Variants in CSMD2 observed in about 807,000 individuals in gnomAD.
The protein encoded by CSMD2 is CUB and Sushi multiple domains 2.
Under a neutral mutation model 398.5 loss-of-function variants are expected in CSMD2, and 130 were observed. The observed-to-expected ratio is 0.33, with a 90% CI of 0.28 to 0.38. The LOEUF (loss-of-function observed/expected upper bound fraction) is 0.38. Among genes scored for constraint, CSMD2 ranks in the 10% least tolerant of loss-of-function variants. CSMD2 has a pLI of 1.00. For synonymous variants in CSMD2, 1,828 were observed against 1,908.5 expected, an observed-to-expected ratio of 0.96 and a Z score of 1.10; for missense variants, 3,829 against 4,764.9, an observed-to-expected ratio of 0.80 and a Z score of 5.78.
Position 33,542,867 on chromosome 1 carries a change from T to G in CSMD2, c.9130A>C (p.Ser3044Arg), listed in dbSNP as rs758658420. Residue 3044 changes from serine to arginine, a missense_variant, in exon 58 of 71, where the codon AGT (serine) becomes CGT (arginine). This residue lies in a region of CSMD2 where 917 missense variants were observed against 1,199.5 expected (regional missense o/e 0.76). Transcript: ENST00000373381. ...TCACTGAACACAACTCGGGCATTAC[T>G]TGGAGTCCCAGGGTTCCCACAAGAG... Reference protein sequence around the residue: ...VISCGNPGTPSNARVVFSDGL... With the variant: ...VISCGNPGTPRNARVVFSDGL... 6.2e-7 allele frequency: 1 copy of G among 1,614,196 alleles called. No homozygotes were observed. The highest frequency in any genetic ancestry group is 8.5e-7 in the Non-Finnish European group (1 of 1,180,012).
chr1:34,028,079 G>A (rs186710961), intron 3 of CSMD2, among the ~76,000 whole-genome samples: 51 of 152,294 alleles, frequency 3.3e-4, no homozygotes, highest in African/African-American at 1.2e-3. Context: ...AGCACTTTGG[G>A]AGGTCGAGGC....
At chr1:34,004,471 G>A (rs1381285624) in intron 3 of CSMD2, among the ~76,000 whole-genome samples, 1 of 151,820 alleles carries the variant, frequency 6.6e-6, no homozygotes, top group Non-Finnish European at 1.5e-5. Context: ...TTTTTTGTTT[G>A]TTTGTTTTTG....
rs1185588929 is a variant in CSMD2 at position 33,569,500 on chromosome 1, C to T, written c.8005G>A (p.Gly2669Arg). The T allele has an allele frequency of 4.3e-6, 7 of 1,614,024 alleles. No individual in the cohort carries two copies. The highest frequency in any genetic ancestry group is 1.7e-5 in the Admixed American group (1 of 60,008). ...GTTGCCCCGTAGACAGACAGTGTTC[C>T]GATGCGGTGGCCATTGGGGGGAATC... ...LPIPPNGHRI[G>R]TLSVYGATAI... The change falls in exon 52 of 71, where the codon GGA becomes AGA. Residue 2669 changes from glycine to arginine, a missense_variant. Gly to Arg is a moderately radical substitution (Grantham distance 125). Transcript: ENST00000373381.
chr1:33,971,130 C>CGCTA (rs1345245379), intron 3 of CSMD2, among the ~76,000 whole-genome samples: 1 of 152,212 alleles, frequency 6.6e-6, no homozygotes, highest in Non-Finnish European at 1.5e-5. Flanking sequence ...TGGGAAGTCA[C>CGCTA]TAGCAGTTAA....
chr1:34,060,055 A>G (rs76182599), intron 2 of CSMD2, among the ~76,000 whole-genome samples: 2,013 of 152,336 alleles, frequency 0.013, 45 homozygotes, highest in African/African-American at 0.046. Flanking sequence ...AGAGAGGGAA[A>G]GAAGAATGCC....
At chr1:33,823,838 T>C (rs1293458082) in intron 7 of CSMD2, among the ~76,000 whole-genome samples, 1 of 152,238 alleles carries the variant, frequency 6.6e-6, no homozygotes, top group Non-Finnish European at 1.5e-5. Context: ...GCATTTGCAT[T>C]CTTTCATTAG....
intron 5 of CSMD2, among the ~76,000 whole-genome samples, chr1:33,899,047 T>C (rs1265255656): frequency 6.6e-6 from 1 of 151,996 alleles, no homozygotes; most frequent in Non-Finnish European, 1.5e-5. Flanking sequence ...ATGAAAAGGG[T>C]TATCTGGACA....
Position 33,870,709 on chromosome 1 carries a change from A to G in CSMD2, c.921-23713T>C, listed in dbSNP as rs1010213785. ...ATTCACCGTGGTAGGCAGTTTCTGA[A>G]ATGGCTCCCAGTGATCTCCAACTCC... On this transcript the variant is annotated intron_variant, in intron 5 of 70. Coordinates refer to ENST00000373381, the MANE Select transcript of CSMD2 (RefSeq NM_001281956.2). The G allele has an allele frequency of 4.6e-5, 7 of 152,238 alleles. No homozygotes were observed. In the East Asian group the frequency reaches 1.4e-3, roughly 29 times the overall value. The allele number at this position is 152,238 out of a possible 1,614,324, so 9.4% of individuals were successfully genotyped here. A position where few individuals can be genotyped will look rare whatever the true frequency, so the allele number is the denominator to read the frequency against.
At position 33,825,708 on chromosome 1, in the gene CSMD2, T is replaced by G; in HGVS notation, c.1100A>C (p.Lys367Thr). 6.2e-7 allele frequency: 1 copy of G among 1,612,350 alleles called. No homozygotes were observed. The highest frequency in any genetic ancestry group is 8.5e-7 in the Non-Finnish European group (1 of 1,179,326). Residue 367 changes from lysine (K) to threonine (T), a missense_variant, in exon 7 of 71, where the codon AAG (lysine) becomes ACG (threonine). Lys to Thr is a moderately conservative substitution (Grantham distance 78). Coordinates refer to ENST00000373381, the MANE Select transcript of CSMD2 (RefSeq NM_001281956.2). ...KLMPSKDNSQ[K>T]TSVLTQVGVS... ...GGGCGGACACTTACACACAGACGTCTTCTGGCTGTTGTCTTTGCTGGGCAT... is the reference window on the plus strand; with the variant it reads ...GGGCGGACACTTACACACAGACGTCGTCTGGCTGTTGTCTTTGCTGGGCAT...
chr1:33,540,845 A>G, intron 59 of CSMD2, 147 bp from the exon 60 acceptor site: 3 of 902,708 alleles, frequency 3.3e-6, no homozygotes, highest in South Asian at 3.4e-5. Flanking sequence ...TTACTGTGGG[A>G]GTTCTGATCT....
intron 28 of CSMD2, among the ~76,000 whole-genome samples, chr1:33,649,034 AT>A (rs1336827191): frequency 2.0e-5 from 3 of 152,174 alleles, no homozygotes; most frequent in East Asian, 1.9e-4. Context: ...TAAAGTTTAT[AT>A]TTTTTATTTT....
intron 2 of CSMD2, among the ~76,000 whole-genome samples, chr1:34,041,241 C>T (rs1157097177): frequency 6.6e-6 from 1 of 152,132 alleles, no homozygotes; most frequent in South Asian, 2.1e-4. Context: ...ACTCCCCCAC[C>T]AGAATTTGGC....
chr1:33,586,537 G>A lies in CSMD2; in HGVS notation c.7018C>T (p.Leu2340=), dbSNP rs371199413. Residue 2340 remains leucine, a synonymous_variant, in exon 46 of 71, where the codon CTG becomes TTG. Transcript: ENST00000373381. ...EILTCKLGTY[L]QFEGPPPICE... is the part of the protein sequence containing the mutation. ...ATCGGGGGTGGTCCTTCAAACTGCA[G>A]GTAGGTTCCAAGTTTGCAGGTCAGA... The A allele has an allele frequency of 4.1e-5, 66 of 1,613,552 alleles. No homozygotes were observed. Among genetic ancestry groups the A allele is most frequent in the Middle Eastern group, 1.6e-4 (1 of 6,082 alleles).
rs1642746136 is a variant in CSMD2 at position 33,635,545 on chromosome 1, C to T, written c.4970-215G>A. Among the ~76,000 whole-genome samples the T allele has an allele frequency of 6.6e-6, 1 of 152,210 alleles. No homozygotes were observed. The highest frequency in any genetic ancestry group is 1.5e-5 in the Non-Finnish European group (1 of 68,016). ...TAGCCTGAAACTTGCCCTGAAGCTA[C>T]CGAGGGCCCTCTTGGGCAGGTGTCA... On this transcript the variant is annotated intron_variant, in intron 30 of 70. Coordinates refer to ENST00000373381, the MANE Select transcript of CSMD2 (RefSeq NM_001281956.2). The surrounding 1 kb of genome is among the most constrained non-coding windows in gnomAD (Gnocchi z 5.0).
At chr1:33,687,579 G>A (rs1366793661) in intron 25 of CSMD2, among the ~76,000 whole-genome samples, 1 of 152,016 alleles carries the variant, frequency 6.6e-6, no homozygotes, top group Non-Finnish European at 1.5e-5. Context: ...AAGCAATATA[G>A]AAGCATAATG....
intron 6 of CSMD2, among the ~76,000 whole-genome samples, chr1:33,837,391 A>ATT (rs200556453): frequency 5.1e-5 from 7 of 137,076 alleles, no homozygotes; most frequent in African/African-American, 2.0e-4. Context: ...TTGTACATGG[A>ATT]TTTTTTTTCA....
intron 2 of CSMD2, among the ~76,000 whole-genome samples, chr1:34,077,268 TAA>T (rs1307746118): frequency 3.3e-5 from 5 of 151,266 alleles, no homozygotes; most frequent in Non-Finnish European, 7.4e-5. Flanking sequence ...CCATCTTGGC[TAA>T]CACGGTGAAT....
Position 33,519,649 on chromosome 1 carries a change from A to C in CSMD2, c.10765T>G (p.Tyr3589Asp), listed in dbSNP as rs776841949. The part of the protein sequence containing the change: ...RRRPKVPFNG[Y>D]AGHENTNVRA... ...ACATTGGTGTTCTCGTGGCCAGCAT[A>C]GCCATTGAAAGGAACTTTGGGTCTT... Residue 3589 changes from tyrosine to aspartate, a missense_variant, in exon 70 of 71, where the codon TAT becomes GAT. Tyr to Asp is a radical substitution (Grantham distance 160, BLOSUM62 -3). Transcript: ENST00000373381. This position sits in a 1 kb window ranked among gnomAD's most constrained non-coding sequence, Gnocchi z 5.6. 1.2e-6 allele frequency: 2 copies of C among 1,613,976 alleles called. No individual in the cohort carries two copies. Among genetic ancestry groups the C allele is most frequent in the South Asian group, 2.2e-5 (2 of 91,058 alleles).
chr1:34,105,194 C>A (rs1219429650), intron 1 of CSMD2, among the ~76,000 whole-genome samples: 4 of 152,170 alleles, frequency 2.6e-5, no homozygotes, highest in Non-Finnish European at 4.4e-5. Flanking sequence ...GTAGTCTAAT[C>A]CAGGGTTTCT....
Sources: gnomAD v4.1 joint callset for allele counts (sites outside exome capture counted in the v4.1 genomes callset) on GRCh38, gnomAD v4.1.1 for gene constraint, gnomAD v4.1.1 regional missense constraint, Gnocchi (gnomAD v3.1) non-coding constraint, MANE v1.5 for transcripts, NCBI Gene and HGNC (gene_info 2026-07-23, HGNC 2026-07-21) for gene names.